WDR12: variants seen among roughly 807,000 people sequenced by gnomAD.
WDR12 encodes the protein WD repeat domain 12.
A neutral mutation model predicts 64.3 loss-of-function variants in WDR12; 42 were observed. That is an observed-to-expected ratio of 0.65 (90% confidence interval 0.51 to 0.84). The LOEUF is 0.84. WDR12 is among the 40% of genes least tolerant of loss of function. The pLI, the probability that WDR12 is intolerant of heterozygous loss-of-function variation, is 0.00. For synonymous variants in WDR12, 158 were observed against 173.3 expected (o/e 0.91, Z 0.70); for missense variants, 469 against 494.6 (o/e 0.95, Z 0.49).
At chr2:202,909,775 G>A (rs1176922356) in intron 1 of WDR12, among the ~76,000 whole-genome samples, 1 of 144,140 alleles carries the variant, frequency 6.9e-6, no homozygotes, top group African/African-American at 2.5e-5. Flanking sequence ...GAAAAAGCAA[G>A]AATTTTATTA....
chr2:202,903,485 AAGGAAGG>A (rs1688390764), intron 2 of WDR12, among the ~76,000 whole-genome samples: 1 of 90,448 alleles, frequency 1.1e-5, no homozygotes, highest in Non-Finnish European at 2.6e-5. Context: ...GGAAGGAAGG[AAGGAAGG>A]AAGGAAGGAA....
intron 2 of WDR12, among the ~76,000 whole-genome samples, chr2:202,905,510 T>TC (rs993001590): frequency 2.0e-5 from 3 of 152,308 alleles, no homozygotes; most frequent in African/African-American, 7.2e-5. Context: ...AAGGGACCCC[T>TC]CATAAACCTT....
chr2:202,908,005 G>T, intron 1 of WDR12, 46 bp from the exon 2 acceptor site: 1 of 1,527,516 alleles, frequency 6.5e-7, no homozygotes, highest in South Asian at 1.1e-5. Context: ...ACAGATATTT[G>T]AACAAACATG....
intron 2 of WDR12, among the ~76,000 whole-genome samples, chr2:202,905,870 A>T (rs920155953): frequency 6.6e-6 from 1 of 152,250 alleles, no homozygotes; most frequent in Non-Finnish European, 1.5e-5. Flanking sequence ...CCAGACACTG[A>T]GAAGGGTAGT....
chr2:202,900,787 A>C (rs76642661), intron 3 of WDR12, among the ~76,000 whole-genome samples: 3,607 of 152,276 alleles, frequency 0.024, 147 homozygotes, highest in African/African-American at 0.083. Context: ...CTCACAAAAA[A>C]AGAGGGCTTC....
In WDR12 at chr2:202,908,107, A is replaced by G. The variant is rs1688496097; in HGVS notation, c.42-148T>C. On this transcript the variant is annotated intron_variant, in intron 1 of 12. Transcript: ENST00000261015. ...GTTGTAAACAAAAATGAATTAAAACATGGTCTCTGTTCTAAGATGAGGTTG... is the reference window on the plus strand; with the variant it reads ...GTTGTAAACAAAAATGAATTAAAACGTGGTCTCTGTTCTAAGATGAGGTTG... 5.5e-6 allele frequency: 4 copies of G among 722,140 alleles called. No individual in the cohort carries two copies. In the Admixed American group the frequency reaches 8.8e-5, roughly 16 times the overall value. 44.7% of individuals were successfully genotyped at this position (722,140 alleles called of 1,614,324 possible).
At position 202,899,603 on chromosome 2, in the gene WDR12, T is replaced by C. The variant is rs751438871; in HGVS notation, c.266A>G (p.Tyr89Cys). The C allele has an allele frequency of 4.3e-6, 7 of 1,614,182 alleles. No individual in the cohort carries two copies. The Middle Eastern group carries it at 4.9e-4, about 114-fold the overall frequency. The stretch of plus-strand genomic sequence containing the variant: ...GCATTGCTCTGGCTGGGGTGCAGTA[T>C]ACTTCTCCACGTATTCTATTTCCAC... ...EVVEIEYVEK[Y>C]TAPQPEQCMF... is the part of the protein sequence containing the mutation. The change falls in exon 4 of 13, where the codon TAT becomes TGT. Residue 89 changes from tyrosine to cysteine, a missense_variant. Coordinates refer to ENST00000261015, the MANE Select transcript of WDR12 (RefSeq NM_018256.4).
Position 202,884,210 on chromosome 2 carries a change from G to A in WDR12, c.976C>T (p.Pro326Ser), listed in dbSNP as rs749587828. ...STDRHIRLWD[P>S]RTKDGSLVSL... ...TTACATGACTCACCTTTAGTTCGGG[G>A]ATCCCACAGTCTGATATGCCTATCT... Residue 326 changes from proline (P) to serine (S), a missense_variant, in exon 10 of 13, where the codon CCC (proline) becomes TCC (serine). By Grantham distance (74) the Pro-to-Ser change is moderately conservative (BLOSUM62 -1). Transcript: ENST00000261015. The A allele has an allele frequency of 1.9e-6, 3 of 1,612,674 alleles. No individual in the cohort carries two copies. The highest frequency in any genetic ancestry group is 2.7e-5 in the African/African-American group (2 of 74,852).
Position 202,894,605 on chromosome 2 carries a change from T to C in WDR12, c.631A>G (p.Lys211Glu), listed in dbSNP as rs1688208098. The change falls in exon 7 of 13, where the codon AAG becomes GAG. Residue 211 changes from lysine (K) to glutamate (E), a missense_variant. By Grantham distance (56) the Lys-to-Glu change is moderately conservative. Coordinates refer to ENST00000261015, the MANE Select transcript of WDR12 (RefSeq NM_018256.4). ...GTKFCSGSWD[K>E]MLKIWSTVPT... Reference sequence around the variant, plus strand: ...CCTGTAGACCAGATCTTTAGCATCTTATCCCAGGAGCCACTGCAAAACTAA... The same window carrying C: ...CCTGTAGACCAGATCTTTAGCATCTCATCCCAGGAGCCACTGCAAAACTAA... The C allele has an allele frequency of 5.0e-6, 8 of 1,607,810 alleles. No homozygotes were observed. The highest frequency in any genetic ancestry group is 5.9e-6 in the Non-Finnish European group (7 of 1,177,376).
chr2:202,882,710 C>G lies in WDR12; in HGVS notation c.1194+1G>C. 2 of 1,613,050 alleles carry G rather than the reference C, an allele frequency of 1.2e-6. No homozygotes were observed. Among genetic ancestry groups the G allele is most frequent in the Non-Finnish European group, 1.7e-6 (2 of 1,179,092 alleles). ...TCATCAAATAACTAATAAATTCTTA[C>G]CCCTGTGTCTGTCCAGTCTACACTC... On this transcript the variant is annotated splice_donor_variant, in intron 12 of 12. Coordinates refer to ENST00000261015, the MANE Select transcript of WDR12 (RefSeq NM_018256.4). LOFTEE classifies it high-confidence loss of function.
At chr2:202,883,562 A>G in intron 11 of WDR12, 47 bp downstream of exon 11, 1 of 1,578,090 alleles carries the variant, frequency 6.3e-7, no homozygotes, top group Non-Finnish European at 8.6e-7. Flanking sequence ...TCCTTTCTAT[A>G]ACAGGTAATT....
intron 2 of WDR12, among the ~76,000 whole-genome samples, chr2:202,903,500 G>GAAGGAAGGAAGGAAGGAAGT (rs1348704669): frequency 1.7e-5 from 2 of 115,118 alleles, no homozygotes; most frequent in South Asian, 3.2e-4. Context: ...AGGAAGGAAG[G>GAAGGAAGGAAGGAAGGAAGT]AAGTGAGGGA....
intron 12 of WDR12, 120 bp from the exon 13 acceptor site, chr2:202,881,057 T>A: frequency 1.2e-6 from 1 of 807,052 alleles, no homozygotes; most frequent in Non-Finnish European, 1.8e-6. Context: ...GGTGAGCAGT[T>A]AACTTGCATT....
intron 4 of WDR12, among the ~76,000 whole-genome samples, chr2:202,897,688 G>T (rs1476761339): frequency 6.7e-6 from 1 of 148,562 alleles, no homozygotes; most frequent in East Asian, 2.0e-4. Flanking sequence ...AGGAGATCGA[G>T]ACCATTCTGG....
At chr2:202,898,510 G>T (rs1688292588) in intron 4 of WDR12, among the ~76,000 whole-genome samples, 1 of 152,120 alleles carries the variant, frequency 6.6e-6, no homozygotes, top group Non-Finnish European at 1.5e-5. Flanking sequence ...AGTAAAACTA[G>T]GAGAAATATA....
chr2:202,892,775 C>A (rs1688176882), intron 7 of WDR12, 73 bp from the exon 8 acceptor site: 3 of 1,087,354 alleles, frequency 2.8e-6, no homozygotes, highest in Admixed American at 4.1e-5. Flanking sequence ...GAATTCTTTA[C>A]ATTTCCAGAT....
In WDR12 at chr2:202,911,597, G is replaced by A. The variant is rs1688658995; in HGVS notation, c.-121C>T. On this transcript the variant is annotated 5_prime_UTR_variant, in exon 1 of 13. Coordinates refer to ENST00000261015, the MANE Select transcript of WDR12 (RefSeq NM_018256.4). ...AAAATTAGACTGCACAGGTAAGCGA[G>A]GAACTGCAGTCTAAGCCTGGACTCT... 3.3e-6 allele frequency: 3 copies of A among 896,230 alleles called. No homozygotes were observed. The highest frequency in any genetic ancestry group is 3.3e-5 in the African/African-American group (2 of 61,120). 55.5% of individuals were successfully genotyped at this position (896,230 alleles called of 1,614,324 possible). A position where few individuals can be genotyped will look rare whatever the true frequency, so the allele number is the denominator to read the frequency against.
intron 2 of WDR12, among the ~76,000 whole-genome samples, chr2:202,906,508 A>G (rs986414050): frequency 6.6e-6 from 1 of 152,216 alleles, no homozygotes; most frequent in African/African-American, 2.4e-5. Flanking sequence ...TTACCTCCTC[A>G]TTCCTCCAAC....
In WDR12 at chr2:202,879,003, G is replaced by C. The variant is rs979982360; in HGVS notation, c.*1857C>G. The C allele has an allele frequency of 1.3e-5, 2 of 152,150 alleles. No homozygotes were observed. Among genetic ancestry groups the C allele is most frequent in the African/African-American group, 4.8e-5 (2 of 41,434 alleles). The allele number at this position is 152,150 out of a possible 1,614,324, so 9.4% of individuals were successfully genotyped here. ...CTAATCTACACATGAGGAAAGATTA[G>C]GGTTACAGTGAAAACTGTATGCAAT... On this transcript the variant is annotated 3_prime_UTR_variant, in exon 13 of 13. Transcript: ENST00000261015.
Sources: allele counts gnomAD v4.1 joint callset (sites outside exome capture counted in the v4.1 genomes callset), GRCh38; gene constraint gnomAD v4.1.1; transcripts MANE v1.5; gene names NCBI Gene and HGNC (gene_info 2026-07-23, HGNC 2026-07-21).